YEATS2: variants seen among roughly 807,000 people sequenced by gnomAD.
The protein encoded by YEATS2 is YEATS domain-containing protein 2.
A neutral mutation model predicts 163.2 loss-of-function variants in YEATS2; 77 were observed. That is an observed-to-expected ratio of 0.47 (90% confidence interval 0.39 to 0.57). YEATS2 has a LOEUF of 0.57. YEATS2 is among the 20% of genes least tolerant of loss of function. The pLI, the probability that YEATS2 is intolerant of heterozygous loss-of-function variation, is 0.00. For missense variants in YEATS2, 1,549 were observed against 1,729.8 expected (o/e 0.90, Z 1.85); for synonymous variants, 631 against 645.1 (o/e 0.98, Z 0.33).
chr3:183,777,046 G>A (rs1171236676), intron 18 of YEATS2, among the ~76,000 whole-genome samples: 1 of 152,032 alleles, frequency 6.6e-6, no homozygotes, highest in Non-Finnish European at 1.5e-5. Context: ...AAATCCATGA[G>A]GTAATAAACA....
At chr3:183,782,822 AC>A (rs1723705478) in intron 19 of YEATS2, among the ~76,000 whole-genome samples, 1 of 152,044 alleles carries the variant, frequency 6.6e-6, no homozygotes, top group Admixed American at 6.6e-5. Flanking sequence ...CATGGATAAA[AC>A]TGCCATAAAT....
At chr3:183,779,193 G>T (rs571607351) in intron 19 of YEATS2, among the ~76,000 whole-genome samples, 1 of 151,984 alleles carries the variant, frequency 6.6e-6, no homozygotes, top group Non-Finnish European at 1.5e-5. Flanking sequence ...ACAGGCACAA[G>T]CCACCACGCC....
Position 183,779,019 on chromosome 3 carries a change from G to A in YEATS2, c.2736+1319G>A, listed in dbSNP as rs534661462. Among the ~76,000 whole-genome samples the A allele has an allele frequency of 3.3e-5, 5 of 151,094 alleles. No individual in the cohort carries two copies. The South Asian group carries it at 6.3e-4, about 19-fold the overall frequency. Reference sequence around the variant, plus strand: ...CCAGGCTCCTGGGTTCAAGCAGTTCGCCTGCCTCATCCTCACGAGTAGCTG... The same window carrying A: ...CCAGGCTCCTGGGTTCAAGCAGTTCACCTGCCTCATCCTCACGAGTAGCTG... On this transcript the variant is annotated intron_variant, in intron 19 of 30. Transcript: ENST00000305135.
chr3:183,716,202 A>G (rs950596846), intron 2 of YEATS2, among the ~76,000 whole-genome samples: 2 of 151,946 alleles, frequency 1.3e-5, no homozygotes, highest in East Asian at 1.9e-4. Context: ...CTCGTGATCC[A>G]CCCGCCTCGG....
rs186802409 is a variant in YEATS2 at position 183,774,880 on chromosome 3, A to G, written c.2369-1035A>G. ...TATGTCCAAAAGTTAAATGTGTAAG[A>G]AAAGGACAATGTAAATATTTCAGAA... On this transcript the variant is annotated intron_variant, in intron 17 of 30. Coordinates refer to ENST00000305135, the MANE Select transcript of YEATS2 (RefSeq NM_018023.5). Among the ~76,000 whole-genome samples, 124 of 152,306 alleles carry G rather than the reference A, an allele frequency of 8.1e-4. No individual in the cohort carries two copies. In the Middle Eastern group the frequency reaches 0.014, roughly 17 times the overall value.
intron 28 of YEATS2, chr3:183,807,374 A>C (rs1726323908): frequency 2.5e-6 from 1 of 394,744 alleles, no homozygotes; most frequent in South Asian, 2.6e-5. Flanking sequence ...CTGGCTAGAT[A>C]GAAATGGTTG....
intron 21 of YEATS2, among the ~76,000 whole-genome samples, chr3:183,797,167 G>A (rs1725228012): frequency 1.3e-5 from 2 of 151,822 alleles, no homozygotes; most frequent in East Asian, 3.9e-4. Context: ...TACTTGGGAG[G>A]CCTAGGCAGG....
At chr3:183,703,867 T>C (rs1714356245) in intron 1 of YEATS2, among the ~76,000 whole-genome samples, 1 of 152,020 alleles carries the variant, frequency 6.6e-6, no homozygotes, top group Admixed American at 6.6e-5. Context: ...TTCATTAAAA[T>C]GTTCCTAAAG....
Position 183,772,349 on chromosome 3 carries a change from G to A in YEATS2, c.1992G>A (p.Lys664=). The change falls in exon 16 of 31, where the codon AAG becomes AAA. Residue 664 remains lysine, a synonymous_variant. Coordinates refer to ENST00000305135, the MANE Select transcript of YEATS2 (RefSeq NM_018023.5). ...GGTCTGCTTTACCTTCAACAGTGAA[G>A]CAGGCTGTGGCGATCAGTGGTGGCC... ...PVGSALPSTV[K]QAVAISGGQI... 1 of 1,614,190 alleles carries A rather than the reference G, an allele frequency of 6.2e-7. No individual in the cohort carries two copies. The highest frequency in any genetic ancestry group is 8.5e-7 in the Non-Finnish European group (1 of 1,180,040).
intron 8 of YEATS2, among the ~76,000 whole-genome samples, chr3:183,744,149 G>A (rs1289340506): frequency 1.9e-5 from 2 of 107,714 alleles, no homozygotes; most frequent in East Asian, 3.2e-4. Flanking sequence ...ATCTCGGTCT[G>A]TTGCCCAGGC....
At chr3:183,796,844 T>A (rs777151537) in intron 21 of YEATS2, among the ~76,000 whole-genome samples, 1 of 152,076 alleles carries the variant, frequency 6.6e-6, no homozygotes, top group Admixed American at 6.6e-5. Flanking sequence ...CTGAAAACAT[T>A]AGTATTGATT....
At chr3:183,750,159 A>ATGT in intron 9 of YEATS2, among the ~76,000 whole-genome samples, 1 of 151,968 alleles carries the variant, frequency 6.6e-6, no homozygotes, top group East Asian at 1.9e-4. Context: ...GGGTCTCACT[A>ATGT]TGTTGTCCAG....
chr3:183,792,533 T>G (rs1213819470), intron 21 of YEATS2, among the ~76,000 whole-genome samples: 1 of 152,190 alleles, frequency 6.6e-6, no homozygotes, highest in Non-Finnish European at 1.5e-5. Context: ...TATTATTATT[T>G]TTTTGATGGA....
Position 183,811,189 on chromosome 3 carries a change from A to G in YEATS2, c.*606A>G, listed in dbSNP as rs576360916. 1 of 153,310 alleles carries G rather than the reference A, an allele frequency of 6.5e-6. No individual in the cohort carries two copies. Among genetic ancestry groups the G allele is most frequent in the Non-Finnish European group, 1.5e-5 (1 of 68,792 alleles). The allele number at this position is 153,310 out of a possible 1,614,324, so 9.5% of individuals were successfully genotyped here. ...ACTGAGCAGAATTCCTTTTTTGAGC[A>G]CGAGAGCATTACTAGAACCATTGTC... On this transcript the variant is annotated 3_prime_UTR_variant, in exon 31 of 31. Transcript: ENST00000305135.
chr3:183,728,572 T>C (rs1467341398), intron 6 of YEATS2, 118 bp from the exon 7 acceptor site: 2 of 906,714 alleles, frequency 2.2e-6, no homozygotes, highest in East Asian at 5.3e-5. Context: ...TTAGGTGATG[T>C]AGTTGTTAAA....
At chr3:183,808,154 C>A (rs1353963631) in intron 29 of YEATS2, 50 bp downstream of exon 29, 1 of 1,484,786 alleles carries the variant, frequency 6.7e-7, no homozygotes. Context: ...GCATCCCAGG[C>A]GGTTTGGAGT....
chr3:183,724,585 C>T, intron 6 of YEATS2, 54 bp downstream of exon 6: 1 of 1,311,134 alleles, frequency 7.6e-7, no homozygotes, highest in East Asian at 2.4e-5. Context: ...AATATTTTGG[C>T]ATTAATACTC....
rs775264092 is a variant in YEATS2, at chr3:183,786,143, G to C, written c.2755G>C (p.Ala919Pro). Reference protein sequence around the residue: ...LFTQAAHGGQASLMKISDSTL... With the variant: ...LFTQAAHGGQPSLMKISDSTL... ...TCTGCAGGCAGCCCATGGAGGACAG[G>C]CATCTCTAATGAAAATATCCGATAG... Residue 919 changes from alanine to proline, a missense_variant, in exon 20 of 31, where the codon GCA (alanine) becomes CCA (proline). Transcript: ENST00000305135. The C allele has an allele frequency of 1.2e-6, 2 of 1,613,466 alleles. No individual in the cohort carries two copies. The highest frequency in any genetic ancestry group is 2.2e-5 in the South Asian group (2 of 91,028).
chr3:183,761,699 G>A, intron 14 of YEATS2, 85 bp downstream of exon 14: 1 of 1,279,870 alleles, frequency 7.8e-7, no homozygotes, highest in Non-Finnish European at 1.1e-6. Context: ...CCTACAACAT[G>A]TTACTTTTTA....
Sources: allele counts gnomAD v4.1 joint callset (sites outside exome capture counted in the v4.1 genomes callset), GRCh38; gene constraint gnomAD v4.1.1; transcripts MANE v1.5; gene names NCBI Gene and HGNC (gene_info 2026-07-23, HGNC 2026-07-21).